TLK2: variants seen among roughly 807,000 people sequenced by gnomAD.
TLK2 encodes the protein tousled like kinase 2.
Under a neutral mutation model 117.3 loss-of-function variants are expected in TLK2, and 6 were observed. That is an observed-to-expected ratio of 0.05 (90% CI 0.03 to 0.10). The LOEUF is 0.10. Ranked by LOEUF, TLK2 falls within the 10% of genes least tolerant of loss-of-function variation. The pLI is 1.00. For synonymous variants in TLK2, 257 were observed against 316.7 expected (o/e 0.81, Z 2.00); for missense variants, 299 against 901.2 (o/e 0.33, Z 8.56).
At chr17:62,576,640 G>A (rs2080809192) in intron 12 of TLK2, 69 bp from the exon 13 acceptor site, 2 of 1,164,124 alleles carry the variant, frequency 1.7e-6, no homozygotes, top group African/African-American at 3.0e-5. Context: ...GTATATTTGA[G>A]CATTTCTCTT....
At chr17:62,591,504 G>C (rs1386410273) in intron 16 of TLK2, among the ~76,000 whole-genome samples, 1 of 152,144 alleles carries the variant, frequency 6.6e-6, no homozygotes, top group Admixed American at 6.5e-5. Flanking sequence ...TGGAGCCACA[G>C]AGCCACAGCA....
At chr17:62,559,535 G>C (rs182980306) in intron 9 of TLK2, among the ~76,000 whole-genome samples, 1 of 151,894 alleles carries the variant, frequency 6.6e-6, no homozygotes, top group African/African-American at 2.4e-5. Context: ...CCGCAACCAT[G>C]TGTGGCTAAT....
chr17:62,588,459 A>G (rs968223718), intron 16 of TLK2, among the ~76,000 whole-genome samples: 13 of 152,202 alleles, frequency 8.5e-5, no homozygotes, highest in Admixed American at 1.3e-4. Flanking sequence ...GGATGGTCCT[A>G]TTTGTCTAAG....
At chr17:62,480,767 G>A (rs2071547548) in intron 1 of TLK2, among the ~76,000 whole-genome samples, 1 of 152,226 alleles carries the variant, frequency 6.6e-6, no homozygotes, top group Non-Finnish European at 1.5e-5. Flanking sequence ...AAGGCTGATA[G>A]AAGGAATTTT....
At chr17:62,566,513 T>G (rs1467098692) in intron 11 of TLK2, among the ~76,000 whole-genome samples, 1 of 152,178 alleles carries the variant, frequency 6.6e-6, no homozygotes, top group Admixed American at 6.5e-5. Flanking sequence ...GTGAAGAGGC[T>G]TTCAAGTCAA....
At chr17:62,558,414 C>T (rs2079022384) in intron 9 of TLK2, among the ~76,000 whole-genome samples, 1 of 152,150 alleles carries the variant, frequency 6.6e-6, no homozygotes, top group Admixed American at 6.5e-5. Context: ...GCTCCTGCCT[C>T]GGCCTCCCAG....
At chr17:62,545,076 T>G (rs2465445) in intron 7 of TLK2, among the ~76,000 whole-genome samples, 55,219 of 152,022 alleles carry the variant, frequency 0.36, 10,205 homozygotes, top group Admixed American at 0.41. Flanking sequence ...GCCTAGGCTG[T>G]AGTGCAGTGG....
In TLK2 at chr17:62,520,059, T is replaced by A. The variant is rs540853876; in HGVS notation, c.82-714T>A. ...CAAAGTATCTGAGCCAGGGTTCTAG[T>A]GGTAGACTAGGTGGGGACAATAGCA... is the stretch of plus-strand genomic sequence containing the variant. On this transcript the variant is annotated intron_variant, in intron 2 of 21. Coordinates refer to ENST00000346027, the MANE Select transcript of TLK2 (RefSeq NM_006852.6). Among the ~76,000 whole-genome samples, 198 of 152,262 alleles carry A rather than the reference T, an allele frequency of 1.3e-3. 3 individuals are homozygous for A. In the South Asian group the frequency reaches 0.04, roughly 31 times the overall value.
intron 3 of TLK2, among the ~76,000 whole-genome samples, 158 bp downstream of exon 3, chr17:62,521,002 G>C (rs146850947): frequency 6.6e-6 from 1 of 152,022 alleles, no homozygotes; most frequent in Non-Finnish European, 1.5e-5. Flanking sequence ...GTGAGAACTC[G>C]TTTCTACAAA....
chr17:62,537,313 G>A (rs1334356027), intron 7 of TLK2, among the ~76,000 whole-genome samples: 2 of 152,198 alleles, frequency 1.3e-5, no homozygotes, highest in African/African-American at 2.4e-5. Context: ...TGCATGATAT[G>A]GAATGTTTTC....
upstream of TLK2, among the ~76,000 whole-genome samples, chr17:62,473,920 C>A (rs1362898189): frequency 6.6e-6 from 1 of 151,854 alleles, no homozygotes; most frequent in African/African-American, 2.4e-5. Context: ...TTTTTTGAGA[C>A]AGAATCTCAC....
intron 15 of TLK2, among the ~76,000 whole-genome samples, chr17:62,581,769 G>A (rs766270878): frequency 1.3e-5 from 2 of 152,046 alleles, no homozygotes; most frequent in Non-Finnish European, 2.9e-5. Context: ...TTTAATCTGT[G>A]TTTATAAGTA....
chr17:62,591,955 T>A (rs1318340353), intron 16 of TLK2, among the ~76,000 whole-genome samples: 17 of 151,882 alleles, frequency 1.1e-4, no homozygotes, highest in Admixed American at 1.1e-3. Context: ...CATTCTTTCT[T>A]CTTTTTTTTT....
At chr17:62,520,512 A>G (rs1340257597) in intron 2 of TLK2, among the ~76,000 whole-genome samples, 3 of 151,818 alleles carry the variant, frequency 2.0e-5, no homozygotes, top group Non-Finnish European at 4.4e-5. Context: ...CCCCATCTCT[A>G]CTAAAAATAC....
intron 11 of TLK2, among the ~76,000 whole-genome samples, chr17:62,567,271 C>T (rs2079871367): frequency 6.6e-6 from 1 of 152,128 alleles, no homozygotes; most frequent in Non-Finnish European, 1.5e-5. Context: ...GTTAAACTTA[C>T]TGCTTATAGT....
Position 62,485,117 on chromosome 17 carries a change from A to G in TLK2, c.81+3911A>G, listed in dbSNP as rs551284291. On this transcript the variant is annotated intron_variant, in intron 2 of 21. Transcript: ENST00000346027. Reference sequence around the variant, plus strand: ...GATCAAAAAAGATTTCAGCCCCTGCAGCTCCAAATAAGAGAGCAGAGTGAC... The same window carrying G: ...GATCAAAAAAGATTTCAGCCCCTGCGGCTCCAAATAAGAGAGCAGAGTGAC... 1.8e-4 allele frequency among the ~76,000 whole-genome samples: 27 copies of G among 152,356 alleles called. No homozygotes were observed. The East Asian group carries it at 4.2e-3, about 24-fold the overall frequency.
intron 11 of TLK2, among the ~76,000 whole-genome samples, chr17:62,568,355 A>G: frequency 6.7e-6 from 1 of 149,224 alleles, no homozygotes; most frequent in Non-Finnish European, 1.5e-5. Flanking sequence ...TTGCTTGAAC[A>G]TGGGAGGCAG....
chr17:62,473,863 A>AGAT (rs200083937), upstream of TLK2, among the ~76,000 whole-genome samples: 2,550 of 152,230 alleles, frequency 0.017, 63 homozygotes, highest in African/African-American at 0.058. Flanking sequence ...TGACTAGACT[A>AGAT]GATTTCCCAT....
At chr17:62,607,746 T>C (rs1217008687) in intron 20 of TLK2, among the ~76,000 whole-genome samples, 1 of 152,194 alleles carries the variant, frequency 6.6e-6, no homozygotes, top group Non-Finnish European at 1.5e-5. Flanking sequence ...GCTCTAGATC[T>C]CCCTTTTCTC....
Sources: gnomAD v4.1 joint callset for allele counts (sites outside exome capture counted in the v4.1 genomes callset) on GRCh38, gnomAD v4.1.1 for gene constraint, MANE v1.5 for transcripts, NCBI Gene and HGNC (gene_info 2026-07-23, HGNC 2026-07-21) for gene names.